Variants in NKAIN2 observed in about 807,000 individuals in gnomAD.
NKAIN2 encodes the protein sodium/potassium transporting ATPase interacting 2.
Under a neutral mutation model 32.6 loss-of-function variants are expected in NKAIN2, and 14 were observed. The observed-to-expected ratio is 0.43, with a 90% confidence interval of 0.28 to 0.67. The LOEUF is 0.67. Ranked by LOEUF, NKAIN2 falls within the 30% of genes least tolerant of loss-of-function variation. NKAIN2 has a pLI of 0.17. For missense variants in NKAIN2, 198 were observed against 258.3 expected (o/e 0.77, Z 1.60); for synonymous variants, 80 against 87.2 (o/e 0.92, Z 0.46).
intron 1 of NKAIN2, among the ~76,000 whole-genome samples, chr6:124,173,816 A>G (rs1354488366): frequency 6.6e-6 from 1 of 152,094 alleles, no homozygotes; most frequent in Non-Finnish European, 1.5e-5. Context: ...GCAATATTAG[A>G]TTGATACTTA....
At chr6:123,855,899 C>G (rs1367418863) in intron 1 of NKAIN2, among the ~76,000 whole-genome samples, 2 of 152,042 alleles carry the variant, frequency 1.3e-5, no homozygotes, top group Non-Finnish European at 2.9e-5. Flanking sequence ...TTACTTGTAC[C>G]CTGCAGGGTG....
intron 1 of NKAIN2, among the ~76,000 whole-genome samples, chr6:124,117,708 A>T (rs971861061): frequency 6.6e-6 from 1 of 152,126 alleles, no homozygotes; most frequent in South Asian, 2.1e-4. Flanking sequence ...ATTCAAATTA[A>T]GTTCACATTA....
Position 124,215,469 on chromosome 6 carries a change from A to G in NKAIN2, c.55-67536A>G, listed in dbSNP as rs182974564. Among the ~76,000 whole-genome samples, 298 of 152,314 alleles carry G rather than the reference A, an allele frequency of 2.0e-3. 4 individuals carry two copies. Among genetic ancestry groups the G allele is most frequent in the Non-Finnish European group, 5.4e-4 (37 of 68,012 alleles). ...TATAAGTTCTAAAATAACATGATACATTATGTGGAAACTTTAGAGCCACTG... is the reference window on the plus strand; with the variant it reads ...TATAAGTTCTAAAATAACATGATACGTTATGTGGAAACTTTAGAGCCACTG... On this transcript the variant is annotated intron_variant, in intron 1 of 6. Coordinates refer to ENST00000368417, the MANE Select transcript of NKAIN2 (RefSeq NM_001040214.3).
intron 3 of NKAIN2, among the ~76,000 whole-genome samples, chr6:124,647,221 G>A (rs1367887318): frequency 6.6e-6 from 1 of 151,640 alleles, no homozygotes; most frequent in Admixed American, 6.6e-5. Flanking sequence ...TACAGAGAAG[G>A]CATCATTTAT....
chr6:124,469,794 A>G (rs1776902161), intron 3 of NKAIN2, among the ~76,000 whole-genome samples: 1 of 152,156 alleles, frequency 6.6e-6, no homozygotes, highest in East Asian at 1.9e-4. Flanking sequence ...GAGGGATGAC[A>G]TGTATTTTCC....
At chr6:124,585,622 A>G (rs1053659914) in intron 3 of NKAIN2, among the ~76,000 whole-genome samples, 1 of 152,228 alleles carries the variant, frequency 6.6e-6, no homozygotes, top group African/African-American at 2.4e-5. Flanking sequence ...ATAAATGAGC[A>G]AAACATCTGA....
intron 1 of NKAIN2, among the ~76,000 whole-genome samples, chr6:124,254,936 C>T (rs890800551): frequency 1.3e-5 from 2 of 152,142 alleles, no homozygotes; most frequent in African/African-American, 4.8e-5. Context: ...TAGCCTTTCT[C>T]GTTAAGTCCC....
intron 1 of NKAIN2, among the ~76,000 whole-genome samples, chr6:123,834,061 A>G (rs1774507394): frequency 6.6e-6 from 1 of 151,668 alleles, no homozygotes. Flanking sequence ...CCACTTGTTC[A>G]TAGCTGGTAT....
chr6:124,408,674 A>G (rs1309149436), intron 3 of NKAIN2, among the ~76,000 whole-genome samples: 1 of 152,110 alleles, frequency 6.6e-6, no homozygotes, highest in Non-Finnish European at 1.5e-5. Flanking sequence ...TGTCTTGGCA[A>G]TGTGGGCTCT....
chr6:123,956,656 T>C (rs1392858775), intron 1 of NKAIN2, among the ~76,000 whole-genome samples: 1 of 152,138 alleles, frequency 6.6e-6, no homozygotes, highest in African/African-American at 2.4e-5. Flanking sequence ...ATAAAACAGG[T>C]GAGTATGTGG....
intron 3 of NKAIN2, among the ~76,000 whole-genome samples, chr6:124,461,894 T>C (rs145698463): frequency 6.6e-6 from 1 of 151,510 alleles, no homozygotes; most frequent in African/African-American, 2.4e-5. Context: ...TTTGTTTAGA[T>C]GCTGGTTTGA....
At chr6:124,371,693 C>CAAAAAAAAA (rs10679200) in intron 3 of NKAIN2, among the ~76,000 whole-genome samples, 3 of 95,712 alleles carry the variant, frequency 3.1e-5, no homozygotes, top group Non-Finnish European at 4.1e-5. Flanking sequence ...GACTCTGTCT[C>CAAAAAAAAA]AAAAAAAAAA....
intron 3 of NKAIN2, among the ~76,000 whole-genome samples, chr6:124,466,682 C>T (rs956971589): frequency 3.3e-5 from 5 of 151,122 alleles, no homozygotes; most frequent in Non-Finnish European, 5.9e-5. Flanking sequence ...CTGCAGGCAT[C>T]CTGTAACATT....
chr6:124,210,742 G>T, intron 1 of NKAIN2, among the ~76,000 whole-genome samples: 1 of 140,292 alleles, frequency 7.1e-6, no homozygotes, highest in Admixed American at 6.7e-5. Context: ...TTTTTTTTCA[G>T]ATTGACCACT....
At chr6:124,029,611 T>C (rs1781314056) in intron 1 of NKAIN2, among the ~76,000 whole-genome samples, 1 of 152,110 alleles carries the variant, frequency 6.6e-6, no homozygotes, top group South Asian at 2.1e-4. Flanking sequence ...TGGTTTAGTT[T>C]AGAGAAGTGA....
At chr6:124,425,194 G>C (rs1198152632) in intron 3 of NKAIN2, among the ~76,000 whole-genome samples, 1 of 152,136 alleles carries the variant, frequency 6.6e-6, no homozygotes, top group East Asian at 1.9e-4. Flanking sequence ...ACCACAGACA[G>C]CCTAGGTTAC....
intron 3 of NKAIN2, among the ~76,000 whole-genome samples, chr6:124,441,295 A>G (rs1170176643): frequency 6.6e-6 from 1 of 152,126 alleles, no homozygotes; most frequent in African/African-American, 2.4e-5. Flanking sequence ...ACCATGATAT[A>G]TATTAATTCC....
intron 1 of NKAIN2, among the ~76,000 whole-genome samples, chr6:123,813,515 A>G (rs1773564140): frequency 6.6e-6 from 1 of 152,134 alleles, no homozygotes; most frequent in African/African-American, 2.4e-5. Context: ...GGCTTTTAGA[A>G]ACTATTGTAG....
intron 1 of NKAIN2, among the ~76,000 whole-genome samples, chr6:123,982,160 G>T (rs1778929208): frequency 6.6e-6 from 1 of 151,984 alleles, no homozygotes. Context: ...CTCTGATCTG[G>T]ATGCTGGAGA....
Sources: gnomAD v4.1 joint callset for allele counts (sites outside exome capture counted in the v4.1 genomes callset) on GRCh38, gnomAD v4.1.1 for gene constraint, MANE v1.5 for transcripts, NCBI Gene and HGNC (gene_info 2026-07-23, HGNC 2026-07-21) for gene names.